CNTNAP5: variants seen among roughly 807,000 people sequenced by gnomAD.
CNTNAP5 encodes contactin-associated protein-like 5.
CNTNAP5 carries 72 observed loss-of-function variants against 150.2 expected under a neutral mutation model. That is an observed-to-expected ratio of 0.48 (90% CI 0.40 to 0.58). The LOEUF is 0.58. Among genes scored for constraint, CNTNAP5 ranks in the 20% least tolerant of loss-of-function variants. The pLI is 0.00. For synonymous variants in CNTNAP5, 672 were observed against 619.8 expected, an observed-to-expected ratio of 1.08 and a Z score of -1.25; for missense variants, 1,636 against 1,626.2, an observed-to-expected ratio of 1.01 and a Z score of -0.10.
chr2:124,627,255 C>T (rs986325236), intron 12 of CNTNAP5, among the ~76,000 whole-genome samples: 1 of 152,288 alleles, frequency 6.6e-6, no homozygotes, highest in South Asian at 2.1e-4. Context: ...CAAGCGGATC[C>T]CTGACCCTGT....
chr2:124,812,789 C>A (rs1682265413), intron 19 of CNTNAP5, among the ~76,000 whole-genome samples: 1 of 152,088 alleles, frequency 6.6e-6, no homozygotes, highest in African/African-American at 2.4e-5. Context: ...TGTCCCATAT[C>A]TCCCTAAAAT....
At chr2:124,075,521 G>T (rs1006942262) in intron 1 of CNTNAP5, among the ~76,000 whole-genome samples, 2 of 152,044 alleles carry the variant, frequency 1.3e-5, no homozygotes, top group Non-Finnish European at 1.5e-5. Flanking sequence ...AAATGTCAAG[G>T]TTTCTAAGGT....
intron 1 of CNTNAP5, among the ~76,000 whole-genome samples, chr2:124,027,880 T>C (rs1285330317): frequency 6.6e-6 from 1 of 152,212 alleles, no homozygotes; most frequent in African/African-American, 2.4e-5. Flanking sequence ...CTGAACTTGA[T>C]ATATTTTGGT....
chr2:124,446,974 T>A, intron 6 of CNTNAP5, 37 bp downstream of exon 6: 1 of 1,585,424 alleles, frequency 6.3e-7, no homozygotes. Context: ...CCTCGGCCCC[T>A]TGCTTCAATG....
intron 17 of CNTNAP5, among the ~76,000 whole-genome samples, chr2:124,777,361 T>C (rs1049025843): frequency 6.6e-6 from 1 of 152,242 alleles, no homozygotes; most frequent in South Asian, 2.1e-4. Flanking sequence ...ACACCCATTT[T>C]AGTGTTTTCT....
chr2:124,304,252 A>G (rs576325632), intron 3 of CNTNAP5, among the ~76,000 whole-genome samples: 19 of 152,304 alleles, frequency 1.2e-4, no homozygotes, highest in African/African-American at 4.6e-4. Flanking sequence ...GCTAAGGAGA[A>G]GTACTTTGCA....
chr2:124,217,362 A>G (rs1686184836), intron 1 of CNTNAP5, among the ~76,000 whole-genome samples: 1 of 152,180 alleles, frequency 6.6e-6, no homozygotes, highest in Non-Finnish European at 1.5e-5. Context: ...CATTGTTCAG[A>G]CACACTGTTA....
intron 3 of CNTNAP5, among the ~76,000 whole-genome samples, chr2:124,415,975 C>A (rs539385549): frequency 2.0e-5 from 3 of 152,042 alleles, no homozygotes; most frequent in Admixed American, 2.0e-4. Flanking sequence ...TTTAATAATT[C>A]TTTTTTGGCA....
chr2:124,682,550 A>G (rs549273973), intron 13 of CNTNAP5, among the ~76,000 whole-genome samples: 96 of 152,330 alleles, frequency 6.3e-4, no homozygotes, highest in Non-Finnish European at 1.1e-3. Flanking sequence ...CCACTGGACC[A>G]CTGGACTGGG....
chr2:124,053,094 C>T (rs1175836241), intron 1 of CNTNAP5, among the ~76,000 whole-genome samples: 3 of 145,400 alleles, frequency 2.1e-5, no homozygotes, highest in African/African-American at 5.1e-5. Flanking sequence ...TCTGTTTGTC[C>T]TCATTTATTA....
intron 1 of CNTNAP5, among the ~76,000 whole-genome samples, chr2:124,087,445 T>C (rs1345518659): frequency 6.6e-6 from 1 of 151,882 alleles, no homozygotes; most frequent in Non-Finnish European, 1.5e-5. Flanking sequence ...TATTTTTGGC[T>C]GGGCGTAGTT....
intron 1 of CNTNAP5, among the ~76,000 whole-genome samples, chr2:124,199,254 G>T (rs182741588): frequency 6.6e-6 from 1 of 152,118 alleles, no homozygotes; most frequent in Admixed American, 6.5e-5. Context: ...GAATTTCAAT[G>T]AATTCATAGA....
At chr2:124,386,520 A>T (rs1690930962) in intron 3 of CNTNAP5, among the ~76,000 whole-genome samples, 1 of 152,220 alleles carries the variant, frequency 6.6e-6, no homozygotes, top group African/African-American at 2.4e-5. Flanking sequence ...GAAATGTTTT[A>T]ATTGTTTTGA....
chr2:124,660,643 C>A (rs192081196), intron 13 of CNTNAP5, among the ~76,000 whole-genome samples: 256 of 134,628 alleles, frequency 1.9e-3, no homozygotes, highest in Non-Finnish European at 3.4e-3. Context: ...AAATTGGGTG[C>A]GTTTTTTGCA....
At chr2:124,090,317 GC>G (rs1682785302) in intron 1 of CNTNAP5, among the ~76,000 whole-genome samples, 1 of 152,102 alleles carries the variant, frequency 6.6e-6, no homozygotes, top group African/African-American at 2.4e-5. Context: ...GGAGGATATT[GC>G]TTTTCTTTAA....
intron 1 of CNTNAP5, among the ~76,000 whole-genome samples, chr2:124,163,905 C>G (rs1444123003): frequency 6.6e-6 from 1 of 151,992 alleles, no homozygotes; most frequent in East Asian, 1.9e-4. Flanking sequence ...ACATTCACAA[C>G]TTGATCATTT....
At chr2:124,620,745 GCACACACACA>G (rs3039903) in intron 12 of CNTNAP5, among the ~76,000 whole-genome samples, 43 of 103,716 alleles carry the variant, frequency 4.1e-4, no homozygotes, top group African/African-American at 1.1e-3. Flanking sequence ...ACACACACAT[GCACACACACA>G]CACACACACA....
In CNTNAP5 at chr2:124,626,962, G is replaced by A. The variant is rs148851777; in HGVS notation, c.1876+17042G>A. Among the ~76,000 whole-genome samples, 420 of 152,300 alleles carry A rather than the reference G, an allele frequency of 2.8e-3. 2 individuals are homozygous for A. The highest frequency in any genetic ancestry group is 9.5e-3 in the African/African-American group (395 of 41,580). On this transcript the variant is annotated intron_variant, in intron 12 of 23. Transcript: ENST00000682447. The stretch of plus-strand genomic sequence containing the variant: ...TGGACTGAGCAGAATTCACCACAGT[G>A]CAGCAAAGGAGCTGTGGCAGATCAT...
chr2:124,905,878 A>G (rs1469912473), intron 22 of CNTNAP5, among the ~76,000 whole-genome samples: 1 of 152,138 alleles, frequency 6.6e-6, no homozygotes, highest in Non-Finnish European at 1.5e-5. Flanking sequence ...CTAATACCTA[A>G]TACTTGGCCT....
Sources: gnomAD v4.1 joint callset for allele counts (sites outside exome capture counted in the v4.1 genomes callset) on GRCh38, gnomAD v4.1.1 for gene constraint, MANE v1.5 for transcripts, NCBI Gene and HGNC (gene_info 2026-07-23, HGNC 2026-07-21) for gene names.